VPS4B: variants seen among roughly 807,000 people sequenced by gnomAD.
VPS4B encodes vacuolar protein sorting-associated protein 4B.
In VPS4B, 23 loss-of-function variants were observed where a neutral mutation model predicts 56.1. That is an observed-to-expected ratio of 0.41 (90% CI 0.30 to 0.58). The LOEUF (loss-of-function observed/expected upper bound fraction) is 0.58, where lower values mean the gene tolerates loss of function less well. Ranked by LOEUF, VPS4B falls within the 20% of genes least tolerant of loss-of-function variation. The probability of loss-of-function intolerance (pLI) is 0.29; values close to 1 mark genes in which losing one functional copy is unlikely to be tolerated. For missense variants in VPS4B, 372 were observed against 531.9 expected, an observed-to-expected ratio of 0.70 and a Z score of 2.96; for synonymous variants, 177 against 186.0, an observed-to-expected ratio of 0.95 and a Z score of 0.39.
intron 4 of VPS4B, chr18:63,404,557 T>G (rs1251273982): frequency 6.6e-6 from 1 of 152,198 alleles, no homozygotes; most frequent in Non-Finnish European, 1.5e-5. Flanking sequence ...CCAAAGCAAT[T>G]ATTGCAGTAA....
At chr18:63,402,064 C>G (rs1462556742) in intron 5 of VPS4B, among the ~76,000 whole-genome samples, 2 of 152,086 alleles carry the variant, frequency 1.3e-5, no homozygotes, top group Non-Finnish European at 2.9e-5. Context: ...TACACAGTAT[C>G]TGCAAAAGAA....
intron 1 of VPS4B, among the ~76,000 whole-genome samples, chr18:63,414,562 G>A (rs889223898): frequency 2.6e-5 from 4 of 151,728 alleles, no homozygotes; most frequent in Non-Finnish European, 5.9e-5. Flanking sequence ...AGCCTCCCCA[G>A]TGGCTGGGAT....
At chr18:63,413,496 G>A (rs576469679) in intron 1 of VPS4B, among the ~76,000 whole-genome samples, 2 of 147,766 alleles carry the variant, frequency 1.4e-5, no homozygotes, top group South Asian at 4.2e-4. Flanking sequence ...CCAAGATCAT[G>A]CCACTGCACT....
intron 6 of VPS4B, 106 bp downstream of exon 6, chr18:63,400,441 T>C: frequency 1.6e-6 from 2 of 1,270,332 alleles, no homozygotes; most frequent in Non-Finnish European, 1.1e-6. Context: ...GTACCTGTAT[T>C]ACATGACTTC....
chr18:63,415,010 GGAGT>G (rs1295221623), intron 1 of VPS4B, among the ~76,000 whole-genome samples: 1 of 152,224 alleles, frequency 6.6e-6, no homozygotes, highest in Non-Finnish European at 1.5e-5. Context: ...GTGTGACTGA[GGAGT>G]GAGTTTATGT....
At chr18:63,408,366 G>A (rs1915962796) in intron 3 of VPS4B, among the ~76,000 whole-genome samples, 2 of 152,178 alleles carry the variant, frequency 1.3e-5, no homozygotes, top group African/African-American at 4.8e-5. Context: ...CGGTGGGGCT[G>A]TGGGTGAGGT....
chr18:63,422,168 C>G (rs1461026967), intron 1 of VPS4B, 65 bp downstream of exon 1: 2 of 1,423,322 alleles, frequency 1.4e-6, no homozygotes, highest in African/African-American at 1.5e-5. Context: ...CCCCGCCCCC[C>G]ACCCGCTTCT....
At chr18:63,401,643 C>A (rs1170261663) in intron 5 of VPS4B, among the ~76,000 whole-genome samples, 1 of 152,014 alleles carries the variant, frequency 6.6e-6, no homozygotes, top group African/African-American at 2.4e-5. Flanking sequence ...CAATTATAAT[C>A]CTGCCTAAAA....
At chr18:63,421,202 G>T (rs1916293230) in intron 1 of VPS4B, among the ~76,000 whole-genome samples, 1 of 152,138 alleles carries the variant, frequency 6.6e-6, no homozygotes, top group Admixed American at 6.6e-5. Flanking sequence ...CAAGATGAAA[G>T]TCCCAAGCAA....
At chr18:63,408,531 T>C (rs1443675638) in intron 3 of VPS4B, among the ~76,000 whole-genome samples, 1 of 152,162 alleles carries the variant, frequency 6.6e-6, no homozygotes, top group Non-Finnish European at 1.5e-5. Context: ...GAGACCTAAA[T>C]TCTTCCAAGA....
chr18:63,415,709 C>A, intron 1 of VPS4B: 1 of 244,096 alleles, frequency 4.1e-6, no homozygotes. Flanking sequence ...AACCCCCCTC[C>A]AGCTGCGAGG....
At chr18:63,418,733 G>A (rs1490776166) in intron 1 of VPS4B, among the ~76,000 whole-genome samples, 1 of 152,012 alleles carries the variant, frequency 6.6e-6, no homozygotes, top group Non-Finnish European at 1.5e-5. Flanking sequence ...TCTTTTCCAG[G>A]CTCCCATTTC....
chr18:63,421,803 A>G (rs371590637), intron 1 of VPS4B, among the ~76,000 whole-genome samples: 6 of 152,276 alleles, frequency 3.9e-5, no homozygotes, highest in South Asian at 2.1e-4. Flanking sequence ...GTCTGTTCCC[A>G]TATCTCTACT....
chr18:63,418,276 C>A (rs1328775275), intron 1 of VPS4B, among the ~76,000 whole-genome samples: 1 of 152,196 alleles, frequency 6.6e-6, no homozygotes, highest in Non-Finnish European at 1.5e-5. Flanking sequence ...ATTTCTCCCA[C>A]AGCAATGCTT....
chr18:63,401,446 G>T (rs1915805767), intron 5 of VPS4B, among the ~76,000 whole-genome samples: 1 of 152,072 alleles, frequency 6.6e-6, no homozygotes, highest in Admixed American at 6.6e-5. Context: ...TAGAGACGGG[G>T]TTTTACCATG....
At position 63,410,412 on chromosome 18, in the gene VPS4B, G is replaced by C. The variant is rs17688948; in HGVS notation, c.174C>G (p.Ile58Met). 2.4e-3 allele frequency: 3,828 copies of C among 1,613,450 alleles called. 9 individuals carry two copies. The highest frequency in any genetic ancestry group is 3.0e-3 in the Non-Finnish European group (3,586 of 1,179,992). Residue 58 changes from isoleucine to methionine, a missense_variant, in exon 3 of 11, where the codon ATC (isoleucine) becomes ATG (methionine). Physicochemically the swap from Ile to Met is conservative, Grantham distance 10. Coordinates refer to ENST00000238497, the MANE Select transcript of VPS4B (RefSeq NM_004869.4). ...EAQGDKAKQS[I>M]RAKCTEYLDR... ...CAAGATATTCTGTACACTTTGCCCT[G>C]ATACTTTGCTTGGCTTTATCACCCT...
chr18:63,411,651 G>GA, intron 1 of VPS4B, 73 bp from the exon 2 acceptor site: 1 of 992,416 alleles, frequency 1.0e-6, no homozygotes. Context: ...TAATCATACT[G>GA]AAAGTTTTTT....
chr18:63,391,114 ATAGAG>A, intron 10 of VPS4B, 38 bp from the exon 11 acceptor site: 1 of 1,355,334 alleles, frequency 7.4e-7, no homozygotes, highest in Non-Finnish European at 1.1e-6. Context: ...GATATTAATA[ATAGAG>A]TTAACAAAAT....
intron 9 of VPS4B, among the ~76,000 whole-genome samples, chr18:63,395,028 T>C (rs1405831857): frequency 6.6e-6 from 1 of 152,212 alleles, no homozygotes; most frequent in Admixed American, 6.5e-5. Context: ...CTTCTTCTTG[T>C]TAACTGAAAT....
Sources: allele counts gnomAD v4.1 joint callset (sites outside exome capture counted in the v4.1 genomes callset), GRCh38; gene constraint gnomAD v4.1.1; transcripts MANE v1.5; gene names NCBI Gene and HGNC (gene_info 2026-07-23, HGNC 2026-07-21).